IGSF11: variants seen among roughly 807,000 people sequenced by gnomAD.
The protein encoded by IGSF11 is CXADR like 1.
A neutral mutation model predicts 41.0 loss-of-function variants in IGSF11; 22 were observed. The ratio of observed to expected loss-of-function variants is 0.54; its 90% CI spans 0.38 to 0.77. IGSF11 has a LOEUF of 0.77. Among genes scored for constraint, IGSF11 ranks in the 30% least tolerant of loss-of-function variants. The pLI, the probability that IGSF11 is intolerant of heterozygous loss-of-function variation, is 0.00. For synonymous variants in IGSF11, 219 were observed against 201.3 expected (o/e 1.09, Z -0.74); for missense variants, 444 against 530.8 (o/e 0.84, Z 1.61).
rs751457768 is a variant in IGSF11, at chr3:118,905,675, C to T, written c.624G>A (p.Leu208=). 1 of 1,613,834 alleles carries T rather than the reference C, an allele frequency of 6.2e-7. No homozygotes were observed. Among genetic ancestry groups the T allele is most frequent in the East Asian group, 2.2e-5 (1 of 44,884 alleles). Residue 208 remains leucine (L), a synonymous_variant, in exon 5 of 7, where the codon CTG becomes CTA. Transcript: ENST00000393775. ...GTVTIRNISA[L]SSGLYQCVAS... Reference sequence around the variant, plus strand: ...CCACGCACTGGTACAAACCTGAAGACAGGGCACTGATGTTCCGGATGGTGA... The same window carrying T: ...CCACGCACTGGTACAAACCTGAAGATAGGGCACTGATGTTCCGGATGGTGA...
intron 1 of IGSF11, among the ~76,000 whole-genome samples, chr3:119,007,322 TCGCGCACGGTG>T (rs1397171797): frequency 7.1e-6 from 1 of 140,094 alleles, no homozygotes. Flanking sequence ...CTGCTTCGGC[TCGCGCACGGTG>T]CGCGCACTCA....
At chr3:118,946,678 G>C (rs1040436123) in intron 1 of IGSF11, among the ~76,000 whole-genome samples, 3 of 152,162 alleles carry the variant, frequency 2.0e-5, no homozygotes, top group African/African-American at 7.2e-5. Flanking sequence ...TTTAAAACCA[G>C]AAAATCTAGA....
intron 1 of IGSF11, among the ~76,000 whole-genome samples, chr3:119,085,357 C>T (rs1343125358): frequency 6.6e-6 from 1 of 152,158 alleles, no homozygotes; most frequent in Non-Finnish European, 1.5e-5. Context: ...AGCTTTAGCC[C>T]TCTGAAAACT....
chr3:118,996,757 G>T lies in IGSF11; in HGVS notation c.52+37774C>A, dbSNP rs1305815139. On this transcript the variant is annotated intron_variant, in intron 1 of 6. Coordinates refer to ENST00000393775, the MANE Select transcript of IGSF11 (RefSeq NM_001015887.3). ...TGGGACCACAGGTGCTTGCCACAATGCCTGGCTAATTTTTTGTATTTTTAG... is the reference window on the plus strand; with the variant it reads ...TGGGACCACAGGTGCTTGCCACAATTCCTGGCTAATTTTTTGTATTTTTAG... Among the ~76,000 whole-genome samples, 8 of 152,134 alleles carry T rather than the reference G, an allele frequency of 5.3e-5. No individual in the cohort carries two copies. The East Asian group carries it at 1.5e-3, about 29-fold the overall frequency.
chr3:119,069,671 T>C (rs1249008707), intron 1 of IGSF11, among the ~76,000 whole-genome samples: 1 of 152,090 alleles, frequency 6.6e-6, no homozygotes, highest in African/African-American at 2.4e-5. Flanking sequence ...TTTTTGGACC[T>C]TTCAGAATAA....
In IGSF11 at chr3:118,995,807, C is replaced by T. The variant is rs1936212242; in HGVS notation, c.52+38724G>A. On this transcript the variant is annotated intron_variant, in intron 1 of 6. Transcript: ENST00000393775. The stretch of plus-strand genomic sequence containing the variant: ...AGCTGGGACTACAGGTGCCCGCCAC[C>T]ACGCCCCGCTAATTTTTTTTTATTT... 2.0e-5 allele frequency among the ~76,000 whole-genome samples: 3 copies of T among 152,106 alleles called. No homozygotes were observed. In the South Asian group the frequency reaches 6.2e-4, roughly 32 times the overall value.
chr3:118,949,378 A>T (rs551374312), intron 1 of IGSF11: 1 of 152,148 alleles, frequency 6.6e-6, no homozygotes, highest in African/African-American at 2.4e-5. Flanking sequence ...CCAGAAGCTT[A>T]AAAAACCCTA....
intron 1 of IGSF11, among the ~76,000 whole-genome samples, chr3:119,073,680 C>T (rs2099487): frequency 0.022 from 3,425 of 152,288 alleles, 130 homozygotes; most frequent in African/African-American, 0.074. Context: ...CCGGGAGCAC[C>T]GGCCGGCTGC....
intron 1 of IGSF11, among the ~76,000 whole-genome samples, chr3:119,033,024 C>T (rs1940563181): frequency 6.6e-6 from 1 of 152,152 alleles, no homozygotes; most frequent in Admixed American, 6.5e-5. Context: ...AAACATTTTT[C>T]TATGGCTTGG....
intron 1 of IGSF11, among the ~76,000 whole-genome samples, chr3:119,112,404 C>T (rs546372156): frequency 5.3e-5 from 8 of 152,266 alleles, no homozygotes; most frequent in East Asian, 3.9e-4. Flanking sequence ...GAGCCATGTG[C>T]GGGATATAAT....
At chr3:119,103,292 C>T (rs546794604) in intron 1 of IGSF11, among the ~76,000 whole-genome samples, 1 of 152,140 alleles carries the variant, frequency 6.6e-6, no homozygotes, top group Non-Finnish European at 1.5e-5. Context: ...CCGCCGCGCC[C>T]GGCCCAAAAT....
intron 1 of IGSF11, among the ~76,000 whole-genome samples, chr3:119,002,143 A>G (rs372769030): frequency 1.1e-3 from 134 of 125,932 alleles, no homozygotes; most frequent in African/African-American, 2.4e-3. Context: ...GTTGTTTCCT[A>G]ACTTTTTAAT....
At chr3:118,932,786 C>T (rs1400495504) in intron 1 of IGSF11, among the ~76,000 whole-genome samples, 1 of 152,220 alleles carries the variant, frequency 6.6e-6, no homozygotes, top group Non-Finnish European at 1.5e-5. Flanking sequence ...GAACCTCCAT[C>T]ACTGCCTTCT....
intron 1 of IGSF11, among the ~76,000 whole-genome samples, chr3:119,077,357 T>G (rs1001207944): frequency 6.6e-6 from 1 of 152,084 alleles, no homozygotes; most frequent in African/African-American, 2.4e-5. Flanking sequence ...ACATGGCACA[T>G]GTATACATAT....
chr3:118,962,747 G>A (rs917413949), intron 1 of IGSF11, among the ~76,000 whole-genome samples: 2 of 152,144 alleles, frequency 1.3e-5, no homozygotes, highest in Non-Finnish European at 2.9e-5. Flanking sequence ...CTAGAATTCT[G>A]TGGGCATACC....
upstream of IGSF11, among the ~76,000 whole-genome samples, chr3:119,037,183 A>G (rs1436961132): frequency 6.6e-6 from 1 of 152,224 alleles, no homozygotes; most frequent in East Asian, 1.9e-4. Context: ...CTGCTTTACG[A>G]CCACAGAAGG....
intron 1 of IGSF11, among the ~76,000 whole-genome samples, chr3:119,098,331 C>CA (rs1430245833): frequency 6.6e-6 from 1 of 152,096 alleles, no homozygotes; most frequent in Non-Finnish European, 1.5e-5. Flanking sequence ...ATAGTGGAAG[C>CA]AAAACACTTA....
At chr3:119,032,681 C>G (rs541555637) in intron 1 of IGSF11, among the ~76,000 whole-genome samples, 17 of 152,326 alleles carry the variant, frequency 1.1e-4, no homozygotes, top group Middle Eastern at 3.4e-3. Context: ...CCAATTCATA[C>G]CCTATTCATT....
chr3:119,017,887 G>T (rs1938901345), intron 1 of IGSF11, among the ~76,000 whole-genome samples: 4 of 149,984 alleles, frequency 2.7e-5, no homozygotes, highest in Admixed American at 2.7e-4. Context: ...GGTTCAGGCG[G>T]TTCTCCTGCC....
Sources: gnomAD v4.1 joint callset for allele counts (sites outside exome capture counted in the v4.1 genomes callset) on GRCh38, gnomAD v4.1.1 for gene constraint, MANE v1.5 for transcripts, NCBI Gene and HGNC (gene_info 2026-07-23, HGNC 2026-07-21) for gene names.